DPPA4: variants seen among roughly 807,000 people sequenced by gnomAD.
The protein encoded by DPPA4 is developmental pluripotency-associated protein 4.
DPPA4 carries 22 observed loss-of-function variants against 33.7 expected under a neutral mutation model. The observed-to-expected ratio is 0.65, with a 90% CI of 0.47 to 0.93. The LOEUF is 0.93. Ranked by LOEUF, DPPA4 falls within the 40% of genes least tolerant of loss-of-function variation. DPPA4 has a pLI of 0.00. For synonymous variants in DPPA4, 156 were observed against 132.3 expected, an observed-to-expected ratio of 1.18 and a Z score of -1.23; for missense variants, 340 against 358.6, an observed-to-expected ratio of 0.95 and a Z score of 0.42.
At chr3:109,329,428 A>G (rs1040142570) in intron 5 of DPPA4, 5 of 222,318 alleles carry the variant, frequency 2.2e-5, no homozygotes, top group Admixed American at 5.2e-5. Flanking sequence ...CCAGCTACTC[A>G]GGAGGCTGAG....
intron 1 of DPPA4, among the ~76,000 whole-genome samples, chr3:109,336,778 G>A (rs990910365): frequency 7.2e-5 from 11 of 152,226 alleles, no homozygotes; most frequent in African/African-American, 2.7e-4. Context: ...ACTTTGGTAA[G>A]CCGAGGTGGG....
chr3:109,334,630 A>G (rs1212245815), intron 1 of DPPA4, among the ~76,000 whole-genome samples: 2 of 152,072 alleles, frequency 1.3e-5, no homozygotes, highest in Admixed American at 6.6e-5. Flanking sequence ...ACGCCTTCCA[A>G]ATAATTTTCT....
upstream of DPPA4, chr3:109,337,621 T>C (rs572847726): frequency 1.8e-5 from 18 of 975,246 alleles, no homozygotes; most frequent in African/African-American, 2.4e-4. Flanking sequence ...CTTCTTTTCT[T>C]CTCCCCTTCT....
chr3:109,338,885 A>G (rs1371537817), upstream of DPPA4, among the ~76,000 whole-genome samples: 1 of 151,304 alleles, frequency 6.6e-6, no homozygotes, highest in Non-Finnish European at 1.5e-5. Context: ...AATTGAACGT[A>G]ACATTCAGAA....
Position 109,333,154 on chromosome 3 carries a change from A to G in DPPA4, c.178+716T>C, listed in dbSNP as rs149852967. ...CCAAGAGTTTGCAATCAGCCTGGCC[A>G]ATATGGTGAAACCCTGTCTCTACTA... On this transcript the variant is annotated intron_variant, in intron 2 of 6. Coordinates refer to ENST00000335658, the MANE Select transcript of DPPA4 (RefSeq NM_018189.4). Among the ~76,000 whole-genome samples, 301 of 152,180 alleles carry G rather than the reference A, an allele frequency of 2.0e-3. 1 individual carries two copies. Among genetic ancestry groups the G allele is most frequent in the Middle Eastern group, 0.01 (3 of 294 alleles).
At chr3:109,331,400 G>T (rs1356788837) in intron 4 of DPPA4, among the ~76,000 whole-genome samples, 1 of 151,042 alleles carries the variant, frequency 6.6e-6, no homozygotes. Context: ...GAAGTGGGTG[G>T]ATCACCTGAG....
chr3:109,336,535 AG>A (rs1279732636), intron 1 of DPPA4: 2 of 152,234 alleles, frequency 1.3e-5, no homozygotes, highest in Non-Finnish European at 2.9e-5. Flanking sequence ...ATTCATTCTC[AG>A]CACCCTCGGT....
chr3:109,330,878 G>GGTTAAGT, intron 4 of DPPA4, 66 bp from the exon 5 acceptor site: 1 of 1,453,510 alleles, frequency 6.9e-7, no homozygotes, highest in Non-Finnish European at 9.2e-7. Flanking sequence ...ATGGCCTAAG[G>GGTTAAGT]AGCTCTTGAT....
At chr3:109,337,344 A>T in intron 1 of DPPA4, 120 bp downstream of exon 1, 1 of 818,258 alleles carries the variant, frequency 1.2e-6, no homozygotes, top group Non-Finnish European at 2.0e-6. Flanking sequence ...AAAAAAAAAA[A>T]GTCAAGAGGA....
Position 109,328,908 on chromosome 3 carries a change from C to G in DPPA4, c.860G>C (p.Cys287Ser), listed in dbSNP as rs1291767272. The change falls in exon 6 of 7, where the codon TGC becomes TCC. Residue 287 changes from cysteine to serine, a missense_variant. By Grantham distance (112) the Cys-to-Ser change is moderately radical (BLOSUM62 -1). Transcript: ENST00000335658. Reference sequence around the variant, plus strand: ...TAATTACCTGTGAACACATTTGGGGCACAACATATTGTCTTCAAGGTGCGG... The same window carrying G: ...TAATTACCTGTGAACACATTTGGGGGACAACATATTGTCTTCAAGGTGCGG... ...PPPHLEDNMLCPKCVHRNKVL... is the reference protein window; with the variant it reads ...PPPHLEDNMLSPKCVHRNKVL... The G allele has an allele frequency of 1.2e-6, 2 of 1,613,732 alleles. No individual in the cohort carries two copies. Among genetic ancestry groups the G allele is most frequent in the Non-Finnish European group, 1.7e-6 (2 of 1,179,878 alleles).
chr3:109,337,220 C>T lies in DPPA4; in HGVS notation c.54+244G>A, dbSNP rs565674053. On this transcript the variant is annotated intron_variant, in intron 1 of 6. Coordinates refer to ENST00000335658, the MANE Select transcript of DPPA4 (RefSeq NM_018189.4). ...CGGCCTCTTTTTTTTTTTTCCCCAT[C>T]TTTTGACACACTCAACCTCCTCAAC... Among the ~76,000 whole-genome samples, 107 of 150,518 alleles carry T rather than the reference C, an allele frequency of 7.1e-4. 1 individual carries two copies. In the Middle Eastern group the frequency reaches 0.017, roughly 24 times the overall value.
At chr3:109,337,802 G>A (rs1331584521), upstream of DPPA4, among the ~76,000 whole-genome samples, 1 of 151,980 alleles carries the variant, frequency 6.6e-6, no homozygotes, top group Non-Finnish European at 1.5e-5. Context: ...CACTCCTTCA[G>A]AACGATTCTA....
chr3:109,331,285 G>GAAAGA (rs1213867287), intron 4 of DPPA4, among the ~76,000 whole-genome samples: 106 of 92,820 alleles, frequency 1.1e-3, no homozygotes, highest in African/African-American at 3.9e-3. Flanking sequence ...AAAAAAAAAA[G>GAAAGA]AAAGAAAAGA....
At chr3:109,337,748 T>C (rs1426551182), upstream of DPPA4, among the ~76,000 whole-genome samples, 1 of 152,126 alleles carries the variant, frequency 6.6e-6, no homozygotes, top group African/African-American at 2.4e-5. Context: ...TCACTTTAAA[T>C]GTAATTATCC....
chr3:109,337,779 T>G (rs578128656), upstream of DPPA4, among the ~76,000 whole-genome samples: 1 of 152,108 alleles, frequency 6.6e-6, no homozygotes, highest in Non-Finnish European at 1.5e-5. Context: ...TCCGGAGACA[T>G]TGGGAGATTG....
Position 109,329,348 on chromosome 3 carries a change from A to T in DPPA4, c.680-260T>A, listed in dbSNP as rs1459002106. ...CAGGAGATCGAGACCATCCTGGCTAACACAGTGAAACCCCGTTTCTACTAA... is the reference window on the plus strand; with the variant it reads ...CAGGAGATCGAGACCATCCTGGCTATCACAGTGAAACCCCGTTTCTACTAA... On this transcript the variant is annotated intron_variant, in intron 5 of 6. Coordinates refer to ENST00000335658, the MANE Select transcript of DPPA4 (RefSeq NM_018189.4). 6.7e-5 allele frequency: 24 copies of T among 356,718 alleles called. No homozygotes were observed. In the South Asian group the frequency reaches 8.7e-4, roughly 13 times the overall value. The allele number at this position is 356,718 out of a possible 1,614,324, so 22.1% of individuals were successfully genotyped here.
At chr3:109,328,081 C>T in intron 6 of DPPA4, 57 bp from the exon 7 acceptor site, 1 of 1,126,042 alleles carries the variant, frequency 8.9e-7, no homozygotes, top group Non-Finnish European at 1.3e-6. Flanking sequence ...TTAAAAATAG[C>T]CAAGAAACCC....
At chr3:109,338,684 A>T (rs892107973), upstream of DPPA4, among the ~76,000 whole-genome samples, 14 of 152,314 alleles carry the variant, frequency 9.2e-5, no homozygotes, top group African/African-American at 2.6e-4. Flanking sequence ...ATAGAGAAGG[A>T]AGTGCAGGTT....
rs1334195026 is a variant in DPPA4, at chr3:109,332,023, G to A, written c.187C>T (p.Pro63Ser). The A allele has an allele frequency of 1.2e-6, 2 of 1,608,288 alleles. No individual in the cohort carries two copies. Among genetic ancestry groups the A allele is most frequent in the Non-Finnish European group, 1.7e-6 (2 of 1,177,412 alleles). Residue 63 changes from proline to serine, a missense_variant, in exon 3 of 7, where the codon CCT becomes TCT. Coordinates refer to ENST00000335658, the MANE Select transcript of DPPA4 (RefSeq NM_018189.4). The part of the protein sequence containing the change: ...MSIKGSKVLC[P>S]KKKAEHTDNP... The stretch of plus-strand genomic sequence containing the variant: ...TCAGTGTGCTCTGCCTTTTTCTTAG[G>A]GCAGAGCACTGAAGCAGAATGGAAT...
Sources: gnomAD v4.1 joint callset for allele counts (sites outside exome capture counted in the v4.1 genomes callset) on GRCh38, gnomAD v4.1.1 for gene constraint, MANE v1.5 for transcripts, NCBI Gene and HGNC (gene_info 2026-07-23, HGNC 2026-07-21) for gene names.